The following LDLRAD4 variants were observed in gnomAD, a reference collection of about 807,000 sequenced individuals.
The protein encoded by LDLRAD4 is low density lipoprotein receptor class A domain containing 4.
LDLRAD4 carries 5 observed loss-of-function variants against 17.0 expected under a neutral mutation model. The ratio of observed to expected loss-of-function variants is 0.29; its 90% confidence interval spans 0.15 to 0.62. The LOEUF is 0.62. LDLRAD4 is among the 20% of genes least tolerant of loss of function. The pLI is 0.84. For synonymous variants in LDLRAD4, 168 were observed against 171.8 expected (o/e 0.98, Z 0.17); for missense variants, 340 against 424.7 (o/e 0.80, Z 1.75).
chr18:13,282,634 C>T (rs1293739128), intron 1 of LDLRAD4, among the ~76,000 whole-genome samples: 1 of 152,236 alleles, frequency 6.6e-6, no homozygotes, highest in Admixed American at 6.5e-5. Flanking sequence ...ACTCCTGTGG[C>T]TTTGCAGGGT....
chr18:13,560,282 C>T (rs989835957), intron 3 of LDLRAD4, among the ~76,000 whole-genome samples: 1 of 152,224 alleles, frequency 6.6e-6, no homozygotes, highest in Non-Finnish European at 1.5e-5. Context: ...CGAATGTGCA[C>T]AGCCCATGTC....
intron 1 of LDLRAD4, among the ~76,000 whole-genome samples, chr18:13,330,689 T>C (rs1361675018): frequency 2.0e-5 from 3 of 152,176 alleles, no homozygotes; most frequent in African/African-American, 7.2e-5. Flanking sequence ...TCCACAGTGA[T>C]GTCTTTTGTA....
At chr18:13,280,711 C>A (rs545056792) in intron 1 of LDLRAD4, among the ~76,000 whole-genome samples, 1 of 152,334 alleles carries the variant, frequency 6.6e-6, no homozygotes, top group Middle Eastern at 3.4e-3. Context: ...GGCTGGCTGT[C>A]AGCACAGACT....
intron 2 of LDLRAD4, among the ~76,000 whole-genome samples, chr18:13,428,257 G>A (rs1834757520): frequency 6.6e-6 from 1 of 152,176 alleles, no homozygotes; most frequent in Non-Finnish European, 1.5e-5. Context: ...GAGTGAGGGA[G>A]GCCACGGCGA....
intron 2 of LDLRAD4, among the ~76,000 whole-genome samples, chr18:13,388,827 C>A (rs145729946): frequency 1.3e-5 from 2 of 152,248 alleles, no homozygotes; most frequent in African/African-American, 4.8e-5. Context: ...CGGCCGCTTC[C>A]GTGCGCACCT....
intron 1 of LDLRAD4, among the ~76,000 whole-genome samples, chr18:13,356,770 C>G (rs1469729577): frequency 1.3e-5 from 2 of 152,184 alleles, no homozygotes; most frequent in Non-Finnish European, 2.9e-5. Flanking sequence ...TAATGACTTT[C>G]TAACATTTCT....
chr18:13,545,384 C>T (rs1402705199), intron 3 of LDLRAD4, among the ~76,000 whole-genome samples: 3 of 152,202 alleles, frequency 2.0e-5, no homozygotes, highest in Non-Finnish European at 4.4e-5. Flanking sequence ...CTTTTGGCAA[C>T]ACCAAAATGT....
chr18:13,471,157 T>G (rs920092627), intron 3 of LDLRAD4: 5 of 152,298 alleles, frequency 3.3e-5, no homozygotes, highest in African/African-American at 1.2e-4. Context: ...TCCGTGGCCT[T>G]TCTAACTGGC....
At chr18:13,453,221 T>C (rs2091941865) in intron 3 of LDLRAD4, among the ~76,000 whole-genome samples, 2 of 152,158 alleles carry the variant, frequency 1.3e-5, no homozygotes, top group African/African-American at 4.8e-5. Context: ...TGTGGTTGCG[T>C]GCACGTGCTC....
chr18:13,299,227 A>G (rs2046447037), intron 1 of LDLRAD4, among the ~76,000 whole-genome samples: 1 of 152,230 alleles, frequency 6.6e-6, no homozygotes, highest in Admixed American at 6.5e-5. Context: ...AAATAGACAC[A>G]TTTTAGCAAA....
chr18:13,438,576 C>T (rs1182067053), intron 3 of LDLRAD4, among the ~76,000 whole-genome samples, 192 bp downstream of exon 4: 3 of 152,252 alleles, frequency 2.0e-5, no homozygotes, highest in Non-Finnish European at 4.4e-5. Flanking sequence ...TTGTTCTGTT[C>T]TCTAAAGTGG....
rs145148474 is a variant in LDLRAD4 at position 13,595,016 on chromosome 18, C to G, written c.182-26101C>G. 1.4e-3 allele frequency among the ~76,000 whole-genome samples: 206 copies of G among 152,120 alleles called. 1 individual carries two copies. The highest frequency in any genetic ancestry group is 4.8e-3 in the African/African-American group (199 of 41,532). ...TTTCATTTCGTACAAGTTATCTAAT[C>G]TGTTGGCATACAGTTGCTCATAATA... On this transcript the variant is annotated intron_variant, in intron 3 of 5. Transcript: ENST00000359446.
At chr18:13,403,775 T>C (rs540669429) in intron 2 of LDLRAD4, among the ~76,000 whole-genome samples, 5 of 152,206 alleles carry the variant, frequency 3.3e-5, no homozygotes, top group Non-Finnish European at 5.9e-5. Context: ...AGAATTCAGA[T>C]TGGTTCTAAT....
At chr18:13,335,729 TTCTTGGC>T (rs2082073146) in intron 1 of LDLRAD4, among the ~76,000 whole-genome samples, 5 of 152,234 alleles carry the variant, frequency 3.3e-5, no homozygotes, top group African/African-American at 1.2e-4. Flanking sequence ...TGGGTATAAA[TTCTTGGC>T]TTATACTTTA....
intron 2 of LDLRAD4, among the ~76,000 whole-genome samples, chr18:13,409,770 C>A (rs2088147824): frequency 1.3e-5 from 2 of 152,124 alleles, no homozygotes; most frequent in African/African-American, 2.4e-5. Flanking sequence ...ATCAGAACAT[C>A]ATAATAATGA....
chr18:13,543,846 C>T lies in LDLRAD4; in HGVS notation c.182-77271C>T, dbSNP rs140075212. Among the ~76,000 whole-genome samples, 22 of 152,340 alleles carry T rather than the reference C, an allele frequency of 1.4e-4. No homozygotes were observed. The East Asian group carries it at 3.3e-3, about 23-fold the overall frequency. On this transcript the variant is annotated intron_variant, in intron 3 of 5. Coordinates refer to ENST00000359446, the Ensembl canonical transcript of LDLRAD4. ...TCCAATAAGGAAAAACGACCGCCAA[C>T]GGGGCTACCTGTTGAGCCCTACCTC...
chr18:13,326,297 G>T (rs940862703), intron 1 of LDLRAD4, among the ~76,000 whole-genome samples: 3 of 152,120 alleles, frequency 2.0e-5, no homozygotes, highest in Admixed American at 2.0e-4. Flanking sequence ...GCTGTAAGGC[G>T]AATGATTACA....
At chr18:13,223,481 C>T (rs2041578426) in intron 1 of LDLRAD4, among the ~76,000 whole-genome samples, 1 of 152,074 alleles carries the variant, frequency 6.6e-6, no homozygotes, top group Non-Finnish European at 1.5e-5. Flanking sequence ...TGGGATTCTT[C>T]AGAAGAGGGC....
At chr18:13,364,686 G>A (rs903693074) in intron 1 of LDLRAD4, among the ~76,000 whole-genome samples, 1 of 152,194 alleles carries the variant, frequency 6.6e-6, no homozygotes, top group Admixed American at 6.5e-5. Context: ...TGTCATGCAA[G>A]TAGCAAATAA....
Sources: gnomAD v4.1 joint callset for allele counts (sites outside exome capture counted in the v4.1 genomes callset) on GRCh38, gnomAD v4.1.1 for gene constraint, MANE v1.5 for transcripts, NCBI Gene and HGNC (gene_info 2026-07-23, HGNC 2026-07-21) for gene names.